Variants in ZNF391 observed in about 807,000 individuals in gnomAD.
The protein encoded by ZNF391 is zinc finger protein 391.
For missense variants in ZNF391, 375 were observed against 425.5 expected (o/e 0.88, Z 1.04); for synonymous variants, 126 against 142.1 (o/e 0.89, Z 0.80).
chr6:27,395,875 G>C (rs1761813323), intron 1 of ZNF391, among the ~76,000 whole-genome samples: 1 of 152,150 alleles, frequency 6.6e-6, no homozygotes, highest in Admixed American at 6.5e-5. Context: ...ATGGGATATA[G>C]TATTTAATAA....
At chr6:27,375,333 T>C (rs1329632259) in intron 1 of ZNF391, among the ~76,000 whole-genome samples, 3 of 152,102 alleles carry the variant, frequency 2.0e-5, no homozygotes, top group African/African-American at 7.2e-5. Context: ...GAGGTCCTAA[T>C]TGGGAGGTGT....
At chr6:27,385,201 A>C (rs1163318585), upstream of ZNF391, among the ~76,000 whole-genome samples, 1 of 124,846 alleles carries the variant, frequency 8.0e-6, no homozygotes. Flanking sequence ...AATCATATAA[A>C]GGGTTCAATT....
At chr6:27,395,155 T>C (rs980209812) in intron 1 of ZNF391, 8 of 151,804 alleles carry the variant, frequency 5.3e-5, no homozygotes, top group Non-Finnish European at 7.4e-5. Flanking sequence ...TTTTGCAATG[T>C]GAGGACTTGA....
chr6:27,392,972 AC>A (rs1409444071), intron 1 of ZNF391, among the ~76,000 whole-genome samples: 1 of 81,680 alleles, frequency 1.2e-5, no homozygotes, highest in Non-Finnish European at 2.9e-5. Context: ...CCAAAGAAAG[AC>A]CATTTCTGGA....
chr6:27,387,422 C>T (rs1456218094), upstream of ZNF391, among the ~76,000 whole-genome samples: 1 of 152,158 alleles, frequency 6.6e-6, no homozygotes, highest in African/African-American at 2.4e-5. Flanking sequence ...CAGCATTATT[C>T]ACAATGGCCA....
chr6:27,396,162 C>G (rs144078529), intron 1 of ZNF391, among the ~76,000 whole-genome samples: 277 of 152,180 alleles, frequency 1.8e-3, no homozygotes, highest in Non-Finnish European at 3.2e-3. Flanking sequence ...GATAATACTA[C>G]CTACCTACCT....
intron 1 of ZNF391, among the ~76,000 whole-genome samples, chr6:27,378,972 G>A (rs1761458319): frequency 6.6e-6 from 1 of 151,646 alleles, no homozygotes; most frequent in African/African-American, 2.4e-5. Context: ...ATATTCATAT[G>A]AATCATAGAT....
intron 1 of ZNF391, among the ~76,000 whole-genome samples, chr6:27,389,774 A>G (rs1454150336): frequency 6.6e-6 from 1 of 152,172 alleles, no homozygotes; most frequent in Admixed American, 6.5e-5. Context: ...ACTGCACTCC[A>G]GCGTAGGCAA....
intron 1 of ZNF391, among the ~76,000 whole-genome samples, chr6:27,382,024 G>A (rs1454718301): frequency 5.8e-5 from 5 of 86,496 alleles, no homozygotes; most frequent in East Asian, 3.5e-4. Context: ...AACAGAGCAA[G>A]ACTCCATCTC....
intron 1 of ZNF391, among the ~76,000 whole-genome samples, chr6:27,395,291 T>G (rs955757424): frequency 6.6e-6 from 1 of 152,102 alleles, no homozygotes; most frequent in African/African-American, 2.4e-5. Flanking sequence ...TGGAGGTAGA[T>G]CCCTCGTGGC....
chr6:27,397,216 G>T (rs1282822110), intron 1 of ZNF391, among the ~76,000 whole-genome samples: 1 of 152,166 alleles, frequency 6.6e-6, no homozygotes, highest in African/African-American at 2.4e-5. Context: ...TCCAATTATG[G>T]TGGAAGGTAA....
chr6:27,385,189 A>T (rs1761568953), upstream of ZNF391, among the ~76,000 whole-genome samples: 1 of 145,788 alleles, frequency 6.9e-6, no homozygotes, highest in Admixed American at 7.1e-5. Flanking sequence ...AAAGAAAAAT[A>T]AAATCATATA....
rs1761422870 is a variant in ZNF391 at position 27,376,662 on chromosome 6, C to T, written n.523+1525C>T. Among the ~76,000 whole-genome samples, 1 of 152,016 alleles carries T rather than the reference C, an allele frequency of 6.6e-6. No homozygotes were observed. Among genetic ancestry groups the T allele is most frequent in the African/African-American group, 2.4e-5 (1 of 41,362 alleles). ...TAAGGTATAACCTTATCAAGACCAG[C>T]CTGGCCAACATGGTGAAACCCCATC... On this transcript the variant is annotated intron_variant and non_coding_transcript_variant, in intron 1 of 2. Coordinates refer to the ZNF391 transcript ENST00000477999. The surrounding 1 kb of genome is among the most constrained non-coding windows in gnomAD (Gnocchi z 4.7).
chr6:27,397,955 T>G (rs1168769159), intron 1 of ZNF391, among the ~76,000 whole-genome samples: 1 of 152,200 alleles, frequency 6.6e-6, no homozygotes, highest in Non-Finnish European at 1.5e-5. Flanking sequence ...TTTGAGATTC[T>G]ACAATAAGAA....
chr6:27,396,061 T>G (rs1761818579), intron 1 of ZNF391, among the ~76,000 whole-genome samples: 2 of 152,154 alleles, frequency 1.3e-5, no homozygotes, highest in African/African-American at 4.8e-5. Context: ...TGTCATGTAA[T>G]TGTCAATATT....
intron 1 of ZNF391, among the ~76,000 whole-genome samples, chr6:27,397,274 A>G (rs1561813054): frequency 2.0e-5 from 3 of 152,312 alleles, no homozygotes; most frequent in South Asian, 2.1e-4. Flanking sequence ...AAGAGACAGC[A>G]AGGGAGGGGA....
rs1004181554 is a variant in ZNF391 at position 27,403,900 on chromosome 6, A to G, written c.*2453A>G. The G allele has an allele frequency of 2.0e-5, 3 of 152,234 alleles. No homozygotes were observed. Among genetic ancestry groups the G allele is most frequent in the Non-Finnish European group, 2.9e-5 (2 of 68,044 alleles). 9.4% of individuals were successfully genotyped at this position (152,234 alleles called of 1,614,324 possible). On this transcript the variant is annotated 3_prime_UTR_variant, in exon 3 of 3. Transcript: ENST00000244576. ...AATAAATTCTAATTGTTATGATTCT[A>G]GTGATTCACATCTGCCTATAGCTTT...
rs1241723314 is a variant in ZNF391 at position 27,376,781 on chromosome 6, A to C, written n.523+1644A>C. Among the ~76,000 whole-genome samples the C allele has an allele frequency of 1.3e-5, 2 of 152,142 alleles. No individual in the cohort carries two copies. The highest frequency in any genetic ancestry group is 2.9e-5 in the Non-Finnish European group (2 of 68,036). ...GGCAGGAGAATTGCTTGAACCCAGG[A>C]GGTGGAGGTTGCAGTGAGCCGAGAT... is the stretch of plus-strand genomic sequence containing the variant. On this transcript the variant is annotated intron_variant and non_coding_transcript_variant, in intron 1 of 2. Coordinates refer to the ZNF391 transcript ENST00000477999. The surrounding 1 kb of genome is among the most constrained non-coding windows in gnomAD (Gnocchi z 4.7).
intron 1 of ZNF391, among the ~76,000 whole-genome samples, chr6:27,398,243 C>G (rs1761872084): frequency 6.6e-6 from 1 of 152,170 alleles, no homozygotes; most frequent in African/African-American, 2.4e-5. Context: ...AACTGTTATA[C>G]AGTTCATTGC....
Sources: allele counts gnomAD v4.1 joint callset (sites outside exome capture counted in the v4.1 genomes callset), GRCh38; gene constraint gnomAD v4.1.1; non-coding constraint Gnocchi (gnomAD v3.1); transcripts MANE v1.5; gene names NCBI Gene and HGNC (gene_info 2026-07-23, HGNC 2026-07-21).